Variants in TBC1D22A observed in about 807,000 individuals in gnomAD.
TBC1D22A encodes the protein TBC1 domain family member 22A.
In TBC1D22A, 38 loss-of-function variants were observed where a neutral mutation model predicts 60.2. The observed-to-expected ratio is 0.63, with a 90% confidence interval of 0.49 to 0.83. The LOEUF is 0.83. TBC1D22A is among the 40% of genes least tolerant of loss of function. TBC1D22A has a pLI of 0.00. For synonymous variants in TBC1D22A, 302 were observed against 281.7 expected (o/e 1.07, Z -0.72); for missense variants, 628 against 701.0 (o/e 0.90, Z 1.18).
intron 8 of TBC1D22A, 146 bp downstream of exon 8, chr22:46,912,334 C>T: frequency 1.8e-6 from 1 of 563,146 alleles, no homozygotes; most frequent in South Asian, 3.0e-5. Context: ...TTCTCATCAA[C>T]AACAGCTTTC....
chr22:46,823,235 A>G (rs2085904106), intron 4 of TBC1D22A, among the ~76,000 whole-genome samples: 1 of 152,208 alleles, frequency 6.6e-6, no homozygotes, highest in Non-Finnish European at 1.5e-5. Flanking sequence ...AACTGTGGTG[A>G]TTCATGGTGA....
intron 12 of TBC1D22A, among the ~76,000 whole-genome samples, chr22:47,171,773 G>A (rs2068465146): frequency 6.6e-6 from 1 of 152,226 alleles, no homozygotes; most frequent in South Asian, 2.1e-4. Flanking sequence ...GAGGACCTGT[G>A]CTTTTCCTTC....
At chr22:47,011,656 T>TA (rs2061756471) in intron 10 of TBC1D22A, among the ~76,000 whole-genome samples, 1 of 152,208 alleles carries the variant, frequency 6.6e-6, no homozygotes. Context: ...CTCCCCTGCT[T>TA]AAAGAGGATG....
At chr22:47,017,401 T>C (rs1311281528) in intron 10 of TBC1D22A, among the ~76,000 whole-genome samples, 2 of 152,066 alleles carry the variant, frequency 1.3e-5, no homozygotes, top group East Asian at 3.9e-4. Flanking sequence ...TGAGATGGGG[T>C]TGGGAGATGT....
intron 8 of TBC1D22A, among the ~76,000 whole-genome samples, chr22:46,916,318 T>G (rs2070365180): frequency 6.6e-6 from 1 of 152,176 alleles, no homozygotes; most frequent in South Asian, 2.1e-4. Flanking sequence ...TCAAGCTGTG[T>G]GGAGGTGTGC....
At chr22:46,935,987 T>C (rs1015099659) in intron 8 of TBC1D22A, among the ~76,000 whole-genome samples, 3 of 152,278 alleles carry the variant, frequency 2.0e-5, no homozygotes, top group Non-Finnish European at 4.4e-5. Context: ...GCTGTGCTTA[T>C]GCAACTGTTT....
At chr22:46,975,475 A>G (rs367779770) in intron 9 of TBC1D22A, among the ~76,000 whole-genome samples, 3 of 152,108 alleles carry the variant, frequency 2.0e-5, no homozygotes, top group African/African-American at 7.2e-5. Flanking sequence ...GGGTGTTCGC[A>G]TGTAGATGGC....
intron 10 of TBC1D22A, among the ~76,000 whole-genome samples, chr22:47,027,138 A>G (rs1298805070): frequency 6.6e-6 from 1 of 152,222 alleles, no homozygotes; most frequent in Admixed American, 6.5e-5. Flanking sequence ...CCAAAAAGGT[A>G]CAAAAGAAAT....
intron 8 of TBC1D22A, among the ~76,000 whole-genome samples, chr22:46,927,726 C>T (rs2071129008): frequency 6.6e-6 from 1 of 152,048 alleles, no homozygotes; most frequent in Non-Finnish European, 1.5e-5. Context: ...GCTTATAAAC[C>T]AATTCAGGTT....
chr22:46,894,781 C>T lies in TBC1D22A; in HGVS notation c.838-3C>T. ...TAAATGTCCGTTTCTCCTGCTTCTC[C>T]AGATCCACATAGACATCCCTCGCAT... On this transcript the variant is annotated splice_region_variant and splice_polypyrimidine_tract_variant and intron_variant, in intron 6 of 12. Coordinates refer to ENST00000337137, the MANE Select transcript of TBC1D22A (RefSeq NM_014346.5). 1 of 1,614,218 alleles carries T rather than the reference C, an allele frequency of 6.2e-7. No homozygotes were observed. Among genetic ancestry groups the T allele is most frequent in the Non-Finnish European group, 8.5e-7 (1 of 1,180,028 alleles).
intron 9 of TBC1D22A, among the ~76,000 whole-genome samples, chr22:46,976,319 C>A (rs894099874): frequency 1.4e-4 from 21 of 152,216 alleles, no homozygotes; most frequent in African/African-American, 5.1e-4. Flanking sequence ...TAGCACATCA[C>A]CGTCCCGTGG....
chr22:46,816,584 C>G (rs2085610981), intron 4 of TBC1D22A, among the ~76,000 whole-genome samples: 1 of 152,166 alleles, frequency 6.6e-6, no homozygotes, highest in Non-Finnish European at 1.5e-5. Flanking sequence ...GTGTGAGGCT[C>G]TTTGCTTTAG....
At chr22:46,992,446 C>A (rs2074980266) in intron 9 of TBC1D22A, among the ~76,000 whole-genome samples, 2 of 152,256 alleles carry the variant, frequency 1.3e-5, no homozygotes, top group South Asian at 4.1e-4. Flanking sequence ...CCAGGGTGAA[C>A]CACCCTGCAC....
At chr22:46,962,375 T>G (rs185649474) in intron 8 of TBC1D22A, among the ~76,000 whole-genome samples, 21 of 152,310 alleles carry the variant, frequency 1.4e-4, no homozygotes, top group African/African-American at 4.3e-4. Context: ...TGATAAGGGA[T>G]TGGTGAGGTG....
intron 8 of TBC1D22A, among the ~76,000 whole-genome samples, chr22:46,958,304 G>T (rs1009249444): frequency 3.9e-5 from 6 of 152,204 alleles, no homozygotes; most frequent in Non-Finnish European, 8.8e-5. Context: ...CTGGCTGCCT[G>T]TTCTGAGTGG....
intron 12 of TBC1D22A, among the ~76,000 whole-genome samples, chr22:47,156,416 G>A (rs540209144): frequency 2.0e-5 from 3 of 152,276 alleles, no homozygotes; most frequent in Admixed American, 2.0e-4. Flanking sequence ...CGGCAGCCCT[G>A]CCACGGGCCG....
At chr22:47,117,767 A>T (rs558842797) in intron 12 of TBC1D22A, among the ~76,000 whole-genome samples, 22 of 152,248 alleles carry the variant, frequency 1.4e-4, no homozygotes, top group Non-Finnish European at 2.9e-4. Context: ...TGTATAAAAC[A>T]TACAAAGATA....
chr22:46,857,310 T>A (rs1159102197), intron 4 of TBC1D22A, among the ~76,000 whole-genome samples: 1 of 152,242 alleles, frequency 6.6e-6, no homozygotes, highest in Non-Finnish European at 1.5e-5. Flanking sequence ...AAATCTCTGC[T>A]GCCCCTGGGT....
intron 6 of TBC1D22A, among the ~76,000 whole-genome samples, chr22:46,893,985 G>A (rs545688306): frequency 3.9e-5 from 6 of 152,246 alleles, no homozygotes; most frequent in Admixed American, 2.6e-4. Context: ...TGATGTCCCA[G>A]CCTCCTGGGT....
Sources: gnomAD v4.1 joint callset for allele counts (sites outside exome capture counted in the v4.1 genomes callset) on GRCh38, gnomAD v4.1.1 for gene constraint, MANE v1.5 for transcripts, NCBI Gene and HGNC (gene_info 2026-07-23, HGNC 2026-07-21) for gene names.